JAZF1: variants seen among roughly 807,000 people sequenced by gnomAD.
JAZF1 encodes the protein JAZF zinc finger 1.
Under a neutral mutation model 26.4 loss-of-function variants are expected in JAZF1, and 8 were observed. The observed-to-expected ratio is 0.30, with a 90% CI of 0.18 to 0.55. JAZF1 has a LOEUF of 0.55. JAZF1 is among the 20% of genes least tolerant of loss of function. The probability of loss-of-function intolerance (pLI) is 0.94; values close to 1 mark genes in which losing one functional copy is unlikely to be tolerated. For synonymous variants in JAZF1, 126 were observed against 122.3 expected, an observed-to-expected ratio of 1.03 and a Z score of -0.20; for missense variants, 199 against 322.0, an observed-to-expected ratio of 0.62 and a Z score of 2.92.
At chr7:28,133,448 A>T (rs1052961198) in intron 1 of JAZF1, among the ~76,000 whole-genome samples, 3 of 152,202 alleles carry the variant, frequency 2.0e-5, no homozygotes, top group Non-Finnish European at 2.9e-5. Flanking sequence ...TGATGACATA[A>T]ATTGTGTTTT....
At chr7:27,892,317 A>G (rs1036909792) in intron 3 of JAZF1, among the ~76,000 whole-genome samples, 1 of 152,224 alleles carries the variant, frequency 6.6e-6, no homozygotes, top group Non-Finnish European at 1.5e-5. Flanking sequence ...ACCACAACAT[A>G]AATTAATTCT....
chr7:28,116,673 C>T (rs1562592995), intron 1 of JAZF1, among the ~76,000 whole-genome samples: 1 of 152,066 alleles, frequency 6.6e-6, no homozygotes, highest in Non-Finnish European at 1.5e-5. Context: ...CAAACTCGAA[C>T]TCCTGACCTC....
intron 1 of JAZF1, among the ~76,000 whole-genome samples, chr7:28,091,528 C>T (rs565827855): frequency 4.0e-4 from 61 of 151,104 alleles, no homozygotes; most frequent in Middle Eastern, 3.5e-3. Flanking sequence ...TTCTTTTATG[C>T]TCTTAAAATC....
At chr7:27,917,081 G>T (rs950017795) in intron 2 of JAZF1, among the ~76,000 whole-genome samples, 2 of 152,130 alleles carry the variant, frequency 1.3e-5, no homozygotes, top group East Asian at 3.8e-4. Flanking sequence ...TCTTAAAAAA[G>T]AAATAACCGA....
chr7:27,981,122 C>T (rs1785575755), intron 2 of JAZF1, among the ~76,000 whole-genome samples: 1 of 152,202 alleles, frequency 6.6e-6, no homozygotes, highest in South Asian at 2.1e-4. Flanking sequence ...CGTAAACTTA[C>T]TGATCCACTA....
Position 27,832,794 on chromosome 7 carries a change from A to G in JAZF1, c.*6T>C, listed in dbSNP as rs1782732456. 6.4e-7 allele frequency: 1 copy of G among 1,560,154 alleles called. No individual in the cohort carries two copies. Among genetic ancestry groups the G allele is most frequent in the Non-Finnish European group, 8.7e-7 (1 of 1,149,658 alleles). On this transcript the variant is annotated 3_prime_UTR_variant, in exon 5 of 5. Coordinates refer to ENST00000283928, the MANE Select transcript of JAZF1 (RefSeq NM_175061.4). ...AGGATTTCTTGGCACAGTTATGACC[A>G]GCATGTTATTGCTGCATCTTCCTGA... is the stretch of plus-strand genomic sequence containing the variant.
intron 1 of JAZF1, among the ~76,000 whole-genome samples, chr7:28,063,064 T>C (rs1425104360): frequency 6.6e-6 from 1 of 152,196 alleles, no homozygotes; most frequent in Non-Finnish European, 1.5e-5. Context: ...TTATATCATA[T>C]GAAAAAATTC....
intron 1 of JAZF1, among the ~76,000 whole-genome samples, chr7:27,995,977 C>T (rs1786006773): frequency 6.6e-6 from 1 of 152,102 alleles, no homozygotes; most frequent in Non-Finnish European, 1.5e-5. Flanking sequence ...AAGGCAAACA[C>T]CACAGACCAC....
chr7:28,106,235 A>G (rs1185408492), intron 1 of JAZF1, among the ~76,000 whole-genome samples: 1 of 152,192 alleles, frequency 6.6e-6, no homozygotes, highest in Non-Finnish European at 1.5e-5. Flanking sequence ...CCTTCCGAAG[A>G]GCAATGGTTT....
At chr7:27,984,630 C>T (rs1363718687) in intron 2 of JAZF1, among the ~76,000 whole-genome samples, 1 of 152,214 alleles carries the variant, frequency 6.6e-6, no homozygotes, top group Non-Finnish European at 1.5e-5. Context: ...AACTCTCCAC[C>T]CCAAATCAGC....
At position 27,838,641 on chromosome 7, in the gene JAZF1, G is replaced by A. The variant is rs566890383; in HGVS notation, c.555+2057C>T. ...CTCCAGTACCCAAGCCAGCAATGAT[G>A]CTGTGAATAAGATGAAATACTAATC... On this transcript the variant is annotated intron_variant, in intron 4 of 4. Coordinates refer to ENST00000283928, the MANE Select transcript of JAZF1 (RefSeq NM_175061.4). Among the ~76,000 whole-genome samples, 25 of 125,636 alleles carry A rather than the reference G, an allele frequency of 2.0e-4. No individual in the cohort carries two copies. In the Admixed American group the frequency reaches 2.1e-3, roughly 11 times the overall value. 82.4% of individuals were successfully genotyped at this position (125,636 alleles called of 152,430 possible).
chr7:27,897,798 C>T (rs1784096426), intron 2 of JAZF1, among the ~76,000 whole-genome samples: 1 of 152,220 alleles, frequency 6.6e-6, no homozygotes, highest in South Asian at 2.1e-4. Context: ...CCTGAACAGA[C>T]TCCCACGTGC....
At chr7:27,849,393 A>G (rs1044875738) in intron 3 of JAZF1, among the ~76,000 whole-genome samples, 3 of 152,214 alleles carry the variant, frequency 2.0e-5, no homozygotes, top group African/African-American at 7.2e-5. Context: ...ATGATTAATC[A>G]ATTTTAAAAT....
chr7:27,865,863 C>T (rs1264578473), intron 3 of JAZF1, among the ~76,000 whole-genome samples: 1 of 152,208 alleles, frequency 6.6e-6, no homozygotes, highest in Non-Finnish European at 1.5e-5. Context: ...ATTCAGTATC[C>T]TTTAGGACAC....
At chr7:28,101,774 T>G (rs1457597934) in intron 1 of JAZF1, among the ~76,000 whole-genome samples, 1 of 151,950 alleles carries the variant, frequency 6.6e-6, no homozygotes, top group Non-Finnish European at 1.5e-5. Context: ...TGTAAGCCCA[T>G]TTTAAGTGTG....
chr7:27,969,477 T>A (rs577500131), intron 2 of JAZF1, among the ~76,000 whole-genome samples: 5 of 152,150 alleles, frequency 3.3e-5, no homozygotes, highest in African/African-American at 1.2e-4. Context: ...ATCACGTTTA[T>A]GGCCTTAGCA....
At chr7:28,141,713 T>C (rs768086620) in intron 1 of JAZF1, among the ~76,000 whole-genome samples, 2 of 152,220 alleles carry the variant, frequency 1.3e-5, no homozygotes, top group Admixed American at 6.5e-5. Flanking sequence ...GTTCTGATGT[T>C]AGGTGCTTGA....
At chr7:28,020,852 G>C in intron 1 of JAZF1, 1 of 366,916 alleles carries the variant, frequency 2.7e-6, no homozygotes, top group Non-Finnish European at 5.4e-6. Flanking sequence ...GAAAACTGCA[G>C]CTGCTCAGAG....
chr7:27,919,364 T>G (rs1380856958), intron 2 of JAZF1, among the ~76,000 whole-genome samples: 2 of 152,124 alleles, frequency 1.3e-5, no homozygotes, highest in African/African-American at 4.8e-5. Context: ...ATGGGAAAAT[T>G]TGGAGAAATA....
Sources: allele counts gnomAD v4.1 joint callset (sites outside exome capture counted in the v4.1 genomes callset), GRCh38; gene constraint gnomAD v4.1.1; transcripts MANE v1.5; gene names NCBI Gene and HGNC (gene_info 2026-07-23, HGNC 2026-07-21).